The following LAMA3 variants were observed in gnomAD, a reference collection of about 807,000 sequenced individuals.
The protein encoded by LAMA3 is laminin subunit alpha-3.
Under a neutral mutation model 402.0 loss-of-function variants are expected in LAMA3, and 281 were observed. The observed-to-expected ratio is 0.70, with a 90% CI of 0.63 to 0.77. The LOEUF is 0.77. Among genes scored for constraint, LAMA3 ranks in the 30% least tolerant of loss-of-function variants. LAMA3 has a pLI of 0.00. For synonymous variants in LAMA3, 1,431 were observed against 1,558.4 expected, an observed-to-expected ratio of 0.92 and a Z score of 1.93; for missense variants, 3,840 against 4,215.5, an observed-to-expected ratio of 0.91 and a Z score of 2.47.
chr18:23,738,584 A>G (rs2061515201), intron 2 of LAMA3, among the ~76,000 whole-genome samples: 1 of 152,222 alleles, frequency 6.6e-6, no homozygotes, highest in Non-Finnish European at 1.5e-5. Context: ...AGAAGGCTGC[A>G]TAGTCAGGAC....
At chr18:23,874,398 T>C (rs1304900570) in intron 38 of LAMA3, among the ~76,000 whole-genome samples, 1 of 152,264 alleles carries the variant, frequency 6.6e-6, no homozygotes, top group African/African-American at 2.4e-5. Flanking sequence ...CCTTTCATAC[T>C]TTGATTCTCC....
At chr18:23,728,229 T>A (rs1217154120) in intron 2 of LAMA3, among the ~76,000 whole-genome samples, 2 of 152,202 alleles carry the variant, frequency 1.3e-5, no homozygotes, top group African/African-American at 4.8e-5. Flanking sequence ...TCTGTCCACT[T>A]ACGCCTGTTC....
chr18:23,904,763 G>T, intron 51 of LAMA3, 69 bp downstream of exon 51: 3 of 1,491,590 alleles, frequency 2.0e-6, no homozygotes, highest in Non-Finnish European at 2.8e-6. Flanking sequence ...TTTTCTTTCC[G>T]TGGGCTCCAA....
chr18:23,843,020 T>C, intron 29 of LAMA3, among the ~76,000 whole-genome samples: 1 of 152,072 alleles, frequency 6.6e-6, no homozygotes, highest in East Asian at 1.9e-4. Context: ...CTCTGGAGCA[T>C]TTTTCGCTCC....
intron 2 of LAMA3, among the ~76,000 whole-genome samples, chr18:23,723,068 A>G (rs903552779): frequency 3.9e-5 from 6 of 152,136 alleles, no homozygotes; most frequent in Admixed American, 6.5e-5. Flanking sequence ...GTTGTCATTG[A>G]TCCTCTCACT....
intron 2 of LAMA3, among the ~76,000 whole-genome samples, chr18:23,726,274 G>A (rs1190263329): frequency 1.3e-5 from 2 of 152,258 alleles, no homozygotes; most frequent in Non-Finnish European, 2.9e-5. Context: ...CAGGTGGGCA[G>A]AGCAGCTGGC....
At position 23,845,590 on chromosome 18, in the gene LAMA3, T is replaced by A. The variant is rs2063796362; in HGVS notation, c.3719+466T>A. Among the ~76,000 whole-genome samples, 3 of 152,334 alleles carry A rather than the reference T, an allele frequency of 2.0e-5. No homozygotes were observed. The South Asian group carries it at 6.2e-4, about 32-fold the overall frequency. On this transcript the variant is annotated intron_variant, in intron 30 of 74. Coordinates refer to ENST00000313654, the MANE Select transcript of LAMA3 (RefSeq NM_198129.4). ...TGTCCTTGAATGCTAAGAGCTAGGA[T>A]GGCCCTGAGTATCAGCTCCTGCCAT...
intron 5 of LAMA3, among the ~76,000 whole-genome samples, chr18:23,751,466 TAATTCAGGGAAGCAG>T (rs1218639348): frequency 1.3e-5 from 2 of 152,296 alleles, no homozygotes; most frequent in South Asian, 2.1e-4. Context: ...CTCCACACAG[TAATTCAGGGAAGCAG>T]GTTCTTTCTA....
chr18:23,838,773 C>T lies in LAMA3; in HGVS notation c.3094-8C>T, dbSNP rs1435636606. 6.4e-7 allele frequency: 1 copy of T among 1,553,794 alleles called. No homozygotes were observed. Among genetic ancestry groups the T allele is most frequent in the Non-Finnish European group, 8.9e-7 (1 of 1,125,068 alleles). ...AATGTGCCTTTGTGCATTGTATTTGCTCACTAGCATCAAGTTTGTATCATA... is the reference window on the plus strand; with the variant it reads ...AATGTGCCTTTGTGCATTGTATTTGTTCACTAGCATCAAGTTTGTATCATA... On this transcript the variant is annotated splice_polypyrimidine_tract_variant and splice_region_variant and intron_variant, in intron 25 of 74. Coordinates refer to ENST00000313654, the MANE Select transcript of LAMA3 (RefSeq NM_198129.4).
chr18:23,718,675 G>A (rs1473537828), intron 2 of LAMA3, among the ~76,000 whole-genome samples: 1 of 152,174 alleles, frequency 6.6e-6, no homozygotes, highest in African/African-American at 2.4e-5. Context: ...GAGCTGCTGA[G>A]ATGGTCCTTT....
intron 12 of LAMA3, among the ~76,000 whole-genome samples, chr18:23,804,139 C>CA (rs1045379713): frequency 2.0e-5 from 3 of 151,870 alleles, no homozygotes; most frequent in Non-Finnish European, 4.4e-5. Context: ...AGCTGTTTCT[C>CA]AAAAAAAAGT....
At chr18:23,829,336 A>G (rs1598875604) in intron 23 of LAMA3, among the ~76,000 whole-genome samples, 1 of 152,302 alleles carries the variant, frequency 6.6e-6, no homozygotes, top group African/African-American at 2.4e-5. Flanking sequence ...CTTTCTTAAT[A>G]TTCAATTTAT....
chr18:23,932,442 A>T (rs1167004690), intron 66 of LAMA3, 151 bp downstream of exon 66: 3 of 833,774 alleles, frequency 3.6e-6, no homozygotes, highest in Non-Finnish European at 5.7e-6. Flanking sequence ...CTTTGGCAAG[A>T]TACACCCATT....
intron 1 of LAMA3, chr18:23,709,818 G>T: frequency 1.5e-6 from 1 of 658,362 alleles, no homozygotes; most frequent in African/African-American, 1.8e-5. Context: ...GCCAGACTCA[G>T]TTTAGATGAT....
In LAMA3 at chr18:23,815,485, C is replaced by T; in HGVS notation, c.1959C>T (p.His653=). The change falls in exon 17 of 75, where the codon CAC becomes CAT. Residue 653 remains histidine, a synonymous_variant. Coordinates refer to ENST00000313654, the MANE Select transcript of LAMA3 (RefSeq NM_198129.4). ...TTCTGCAGGGAGATGGTGACTGTCA[C>T]TGCAAGTCCCATGTGGGTGGCGATT... ...GECRQGDGDC[H]CKSHVGGDSC... 3 of 1,613,990 alleles carry T rather than the reference C, an allele frequency of 1.9e-6. No individual in the cohort carries two copies. The highest frequency in any genetic ancestry group is 2.5e-6 in the Non-Finnish European group (3 of 1,179,836).
intron 12 of LAMA3, among the ~76,000 whole-genome samples, chr18:23,803,348 C>T (rs1179027510): frequency 2.0e-5 from 3 of 152,154 alleles, no homozygotes; most frequent in Non-Finnish European, 2.9e-5. Flanking sequence ...AGTGGAAGTA[C>T]ATTTTGCTGA....
intron 12 of LAMA3, among the ~76,000 whole-genome samples, chr18:23,797,218 A>G (rs2062780608): frequency 6.6e-6 from 1 of 151,372 alleles, no homozygotes; most frequent in African/African-American, 2.4e-5. Context: ...AGGATGCAAC[A>G]TTTTGTCTGT....
At chr18:23,717,560 T>C (rs1164611934) in intron 2 of LAMA3, among the ~76,000 whole-genome samples, 1 of 130,644 alleles carries the variant, frequency 7.7e-6, no homozygotes, top group Non-Finnish European at 1.6e-5. Context: ...TTTTTTTTTT[T>C]TTTTTTTTTT....
At chr18:23,768,311 A>G (rs994212058) in intron 8 of LAMA3, among the ~76,000 whole-genome samples, 12 of 152,218 alleles carry the variant, frequency 7.9e-5, no homozygotes, top group Admixed American at 6.5e-5. Flanking sequence ...AAATAACTCC[A>G]TTAAAAAATG....
Sources: allele counts gnomAD v4.1 joint callset (sites outside exome capture counted in the v4.1 genomes callset), GRCh38; gene constraint gnomAD v4.1.1; transcripts MANE v1.5; gene names NCBI Gene and HGNC (gene_info 2026-07-23, HGNC 2026-07-21).